RIMS1: variants seen among roughly 807,000 people sequenced by gnomAD.
RIMS1 encodes the protein regulating synaptic membrane exocytosis 1.
A neutral mutation model predicts 214.1 loss-of-function variants in RIMS1; 83 were observed. The ratio of observed to expected loss-of-function variants is 0.39; its 90% CI spans 0.32 to 0.47. RIMS1 has a LOEUF of 0.47. Among genes scored for constraint, RIMS1 ranks in the 20% least tolerant of loss-of-function variants. The pLI is 0.99. For missense variants in RIMS1, 2,050 were observed against 2,161.8 expected, an observed-to-expected ratio of 0.95 and a Z score of 1.03; for synonymous variants, 793 against 786.8, an observed-to-expected ratio of 1.01 and a Z score of -0.13.
chr6:72,399,001 C>A lies in RIMS1; in HGVS notation c.4767C>A (p.Ala1589=), dbSNP rs2098810548. ...TTTTGGAAAATGGGGCCTGTATAGCCAAGAAGAAGACAAGAATTGCACGAA... is the reference window on the plus strand; with the variant it reads ...TTTTGGAAAATGGGGCCTGTATAGCAAAGAAGAAGACAAGAATTGCACGAA... ...VYLLENGACI[A]KKKTRIARKT... The change falls in exon 33 of 34, where the codon GCC becomes GCA. Residue 1589 remains alanine (A), a synonymous_variant. Coordinates refer to ENST00000521978, the MANE Select transcript of RIMS1 (RefSeq NM_014989.7). 6.2e-7 allele frequency: 1 copy of A among 1,609,452 alleles called. No homozygotes were observed. The highest frequency in any genetic ancestry group is 8.5e-7 in the Non-Finnish European group (1 of 1,176,638).
intron 6 of RIMS1, among the ~76,000 whole-genome samples, chr6:72,187,001 T>C (rs553044998): frequency 6.6e-6 from 1 of 152,146 alleles, no homozygotes; most frequent in East Asian, 1.9e-4. Flanking sequence ...TGTGGTGGCA[T>C]GCGCCTGTAG....
At chr6:72,367,818 G>A (rs2098086334) in intron 29 of RIMS1, among the ~76,000 whole-genome samples, 1 of 152,122 alleles carries the variant, frequency 6.6e-6, no homozygotes, top group Non-Finnish European at 1.5e-5. Context: ...AAAATATGAT[G>A]GAGAATACTT....
chr6:72,370,848 G>C (rs972145682), intron 29 of RIMS1, among the ~76,000 whole-genome samples: 7 of 152,038 alleles, frequency 4.6e-5, no homozygotes, highest in African/African-American at 1.2e-4. Flanking sequence ...CTATATGATA[G>C]GAATGCTGCA....
At chr6:71,943,590 TACACA>T (rs1786868748) in intron 1 of RIMS1, among the ~76,000 whole-genome samples, 1 of 152,170 alleles carries the variant, frequency 6.6e-6, no homozygotes. Context: ...AGTGATTCTG[TACACA>T]TCAAAGGACC....
At chr6:72,349,050 G>C (rs2097360111) in intron 29 of RIMS1, among the ~76,000 whole-genome samples, 2 of 151,950 alleles carry the variant, frequency 1.3e-5, no homozygotes, top group South Asian at 4.1e-4. Flanking sequence ...TGCTTTTCAA[G>C]TAAGCTAGTG....
intron 2 of RIMS1, among the ~76,000 whole-genome samples, chr6:72,050,102 A>G (rs535769830): frequency 1.3e-5 from 2 of 152,196 alleles, no homozygotes; most frequent in South Asian, 2.1e-4. Flanking sequence ...TCACACATAC[A>G]CACACACCCC....
intron 6 of RIMS1, among the ~76,000 whole-genome samples, chr6:72,222,405 C>T (rs1460077047): frequency 6.6e-6 from 1 of 151,876 alleles, no homozygotes; most frequent in Non-Finnish European, 1.5e-5. Context: ...TTTTTTTGTA[C>T]TGCATTCAAA....
intron 1 of RIMS1, among the ~76,000 whole-genome samples, chr6:71,929,052 A>T (rs1782338400): frequency 1.3e-5 from 2 of 152,274 alleles, no homozygotes; most frequent in Non-Finnish European, 2.9e-5. Context: ...GAATTTGGTT[A>T]GTGAAAGTAA....
At chr6:71,946,373 T>G (rs1787813918) in intron 1 of RIMS1, among the ~76,000 whole-genome samples, 1 of 152,142 alleles carries the variant, frequency 6.6e-6, no homozygotes, top group African/African-American at 2.4e-5. Context: ...ACTATCTAAT[T>G]TGAAAATTTA....
At chr6:72,163,759 A>G (rs1216570425) in intron 4 of RIMS1, among the ~76,000 whole-genome samples, 1 of 122,016 alleles carries the variant, frequency 8.2e-6, no homozygotes, top group African/African-American at 2.6e-5. Context: ...GTCTCAGAGG[A>G]GTACCCGGCC....
intron 2 of RIMS1, among the ~76,000 whole-genome samples, chr6:71,986,017 C>G (rs533119925): frequency 3.3e-5 from 5 of 152,042 alleles, no homozygotes; most frequent in Non-Finnish European, 5.9e-5. Flanking sequence ...CTAGATTTAG[C>G]AAATAAAAAT....
intron 4 of RIMS1, among the ~76,000 whole-genome samples, chr6:72,117,198 A>T (rs903672000): frequency 6.6e-6 from 1 of 151,990 alleles, no homozygotes; most frequent in Non-Finnish European, 1.5e-5. Context: ...GGGGCTAAAA[A>T]ATCTGCATTT....
chr6:71,893,942 T>C (rs1770788976), intron 1 of RIMS1, among the ~76,000 whole-genome samples: 1 of 152,216 alleles, frequency 6.6e-6, no homozygotes, highest in South Asian at 2.1e-4. Flanking sequence ...ACCCCTTCTC[T>C]CAATTTTGAG....
chr6:72,015,271 T>A (rs1048855575), intron 2 of RIMS1, among the ~76,000 whole-genome samples: 3 of 152,162 alleles, frequency 2.0e-5, no homozygotes, highest in African/African-American at 7.2e-5. Flanking sequence ...TCCAATGTGG[T>A]ATTATGTTGG....
At chr6:71,896,317 A>G (rs377524990) in intron 1 of RIMS1, among the ~76,000 whole-genome samples, 54 of 152,342 alleles carry the variant, frequency 3.5e-4, no homozygotes, top group African/African-American at 1.0e-3. Context: ...GCCACCTAAT[A>G]TATAGCAACC....
At chr6:71,891,767 G>A (rs1769954119) in intron 1 of RIMS1, among the ~76,000 whole-genome samples, 1 of 152,300 alleles carries the variant, frequency 6.6e-6, no homozygotes, top group Admixed American at 6.5e-5. Flanking sequence ...ACCAGTGTGG[G>A]CTGGATGTGC....
chr6:72,007,906 G>A (rs140665899), intron 2 of RIMS1, among the ~76,000 whole-genome samples: 6 of 152,240 alleles, frequency 3.9e-5, no homozygotes, highest in African/African-American at 1.4e-4. Flanking sequence ...TCTGCAGGAT[G>A]TTATCCAGGA....
chr6:72,026,889 T>G (rs966677138), intron 2 of RIMS1, among the ~76,000 whole-genome samples: 10 of 152,188 alleles, frequency 6.6e-5, no homozygotes, highest in Non-Finnish European at 1.3e-4. Flanking sequence ...CTCCCAAGAC[T>G]TTTGATCTTC....
intron 2 of RIMS1, among the ~76,000 whole-genome samples, chr6:72,084,341 A>T (rs921843194): frequency 1.3e-5 from 2 of 152,184 alleles, no homozygotes; most frequent in Admixed American, 6.5e-5. Context: ...CCTAATTCAT[A>T]TCCTACTTTA....
Sources: allele counts gnomAD v4.1 joint callset (sites outside exome capture counted in the v4.1 genomes callset), GRCh38; gene constraint gnomAD v4.1.1; transcripts MANE v1.5; gene names NCBI Gene and HGNC (gene_info 2026-07-23, HGNC 2026-07-21).